The following SNX24 variants were observed in gnomAD, a reference collection of about 807,000 sequenced individuals.
SNX24 encodes sorting nexin 24, also known as sorting nexin-24.
Under a neutral mutation model 28.7 loss-of-function variants are expected in SNX24, and 22 were observed. The ratio of observed to expected loss-of-function variants is 0.77; its 90% CI spans 0.55 to 1.10. The LOEUF (loss-of-function observed/expected upper bound fraction) is 1.10. Ranked by LOEUF, SNX24 falls within the 50% of genes least tolerant of loss-of-function variation. The probability of loss-of-function intolerance (pLI) is 0.00; values close to 1 mark genes in which losing one functional copy is unlikely to be tolerated. For synonymous variants in SNX24, 69 were observed against 71.5 expected (o/e 0.96, Z 0.18); for missense variants, 221 against 201.1 (o/e 1.10, Z -0.60).
At chr5:123,003,591 G>A (rs1762321947) in intron 6 of SNX24, among the ~76,000 whole-genome samples, 1 of 152,138 alleles carries the variant, frequency 6.6e-6, no homozygotes, top group Non-Finnish European at 1.5e-5. Context: ...GGTTACTGTG[G>A]ACTAGAATAG....
At chr5:122,884,838 A>G (rs1756638517) in intron 1 of SNX24, among the ~76,000 whole-genome samples, 1 of 152,136 alleles carries the variant, frequency 6.6e-6, no homozygotes, top group African/African-American at 2.4e-5. Context: ...GAAGGTATGT[A>G]GTCTCTGAAT....
intron 1 of SNX24, among the ~76,000 whole-genome samples, chr5:122,890,503 T>C (rs1194157557): frequency 7.0e-6 from 1 of 142,868 alleles, no homozygotes; most frequent in Non-Finnish European, 1.5e-5. Flanking sequence ...GGAATCTCAC[T>C]CTGTGGCCCA....
intron 6 of SNX24, 23 bp from the exon 7 acceptor site, chr5:123,007,659 C>CTTTTTTTTTTTTTTTTTTTTTT: frequency 8.7e-7 from 1 of 1,153,142 alleles, no homozygotes. Flanking sequence ...TTTTTTTTTT[C>CTTTTTTTTTTTTTTTTTTTTTT]TTTTTTTTTT....
At chr5:122,852,354 T>C (rs981669975) in intron 1 of SNX24, among the ~76,000 whole-genome samples, 1 of 151,850 alleles carries the variant, frequency 6.6e-6, no homozygotes, top group Admixed American at 6.6e-5. Flanking sequence ...GCTTCTTTTT[T>C]TTTTTTTGAC....
At chr5:123,011,732 T>A (rs1199947128), downstream of SNX24, among the ~76,000 whole-genome samples, 3 of 152,310 alleles carry the variant, frequency 2.0e-5, no homozygotes, top group East Asian at 3.9e-4. Context: ...CTGGTGGAAG[T>A]GTGAAATGGT....
rs1425101242 is a variant in SNX24, at chr5:122,951,245, C to A, written c.249+5086C>A. On this transcript the variant is annotated intron_variant, in intron 3 of 6. Coordinates refer to ENST00000261369, the MANE Select transcript of SNX24 (RefSeq NM_014035.4). Reference sequence around the variant, plus strand: ...TTGCGCCACTGCACTCCAGCCTGGGCGACAGAGTGAGACTCTGTCTCAAAA... The same window carrying A: ...TTGCGCCACTGCACTCCAGCCTGGGAGACAGAGTGAGACTCTGTCTCAAAA... Among the ~76,000 whole-genome samples, 4 of 122,692 alleles carry A rather than the reference C, an allele frequency of 3.3e-5. No homozygotes were observed. In the Admixed American group the frequency reaches 4.3e-4, roughly 13 times the overall value. 80.5% of individuals were successfully genotyped at this position (122,692 alleles called of 152,430 possible). A position where few individuals can be genotyped will look rare whatever the true frequency, so the allele number is the denominator to read the frequency against.
intron 5 of SNX24, among the ~76,000 whole-genome samples, chr5:123,026,595 C>G (rs959774799): frequency 6.6e-6 from 1 of 152,218 alleles, no homozygotes; most frequent in African/African-American, 2.4e-5. Flanking sequence ...TTTCTTGCCT[C>G]AGCACCAAGA....
chr5:123,024,410 G>A (rs1179122555), intron 5 of SNX24, among the ~76,000 whole-genome samples: 1 of 152,142 alleles, frequency 6.6e-6, no homozygotes, highest in Admixed American at 6.5e-5. Flanking sequence ...TCCTGTAATA[G>A]GTCTTCACAT....
chr5:122,886,792 T>C (rs1432608745), intron 1 of SNX24, among the ~76,000 whole-genome samples: 1 of 151,740 alleles, frequency 6.6e-6, no homozygotes, highest in Non-Finnish European at 1.5e-5. Context: ...ATCACGCCAT[T>C]GCACTCCAGC....
chr5:122,895,699 C>T (rs939199737), intron 1 of SNX24, among the ~76,000 whole-genome samples: 1 of 152,244 alleles, frequency 6.6e-6, no homozygotes, highest in Non-Finnish European at 1.5e-5. Context: ...GCAGTCGTCC[C>T]TGCCACCCTC....
At chr5:122,909,297 A>G (rs1288314707) in intron 1 of SNX24, among the ~76,000 whole-genome samples, 1 of 152,210 alleles carries the variant, frequency 6.6e-6, no homozygotes, top group Middle Eastern at 3.2e-3. Flanking sequence ...CATAGTACCT[A>G]TTGCTTAATC....
At chr5:122,854,539 A>C (rs201702866) in intron 1 of SNX24, among the ~76,000 whole-genome samples, 53 of 150,896 alleles carry the variant, frequency 3.5e-4, no homozygotes, top group Admixed American at 2.6e-3. Flanking sequence ...AAAAAAAAAA[A>C]CATAGTGTTA....
chr5:122,926,453 A>T (rs943879508), intron 1 of SNX24, among the ~76,000 whole-genome samples: 1 of 152,218 alleles, frequency 6.6e-6, no homozygotes, highest in Non-Finnish European at 1.5e-5. Context: ...GAAGACACAG[A>T]GGGAAGACAC....
At chr5:122,980,713 T>G (rs1761355767) in intron 3 of SNX24, among the ~76,000 whole-genome samples, 1 of 150,258 alleles carries the variant, frequency 6.7e-6, no homozygotes, top group Non-Finnish European at 1.5e-5. Flanking sequence ...TCTGTGCCCC[T>G]TCCAGTATCT....
chr5:122,907,704 A>G (rs560509812), intron 1 of SNX24, among the ~76,000 whole-genome samples: 2 of 152,292 alleles, frequency 1.3e-5, no homozygotes, highest in Admixed American at 6.5e-5. Context: ...TTGATCTGGT[A>G]TCTTAGTTCT....
At chr5:122,876,064 C>T (rs1157275267) in intron 1 of SNX24, among the ~76,000 whole-genome samples, 2 of 152,222 alleles carry the variant, frequency 1.3e-5, no homozygotes, top group African/African-American at 4.8e-5. Context: ...AGGCTGGTCT[C>T]AAACTCCTGA....
chr5:123,012,189 T>G (rs1009687250), downstream of SNX24, among the ~76,000 whole-genome samples: 2 of 152,228 alleles, frequency 1.3e-5, no homozygotes, highest in African/African-American at 4.8e-5. Flanking sequence ...TCAATTAAAC[T>G]TCTTTCCTTT....
chr5:123,007,697 T>A lies in SNX24; in HGVS notation c.458T>A (p.Val153Asp), dbSNP rs763531056. The A allele has an allele frequency of 6.3e-7, 1 of 1,587,158 alleles. No individual in the cohort carries two copies. The highest frequency in any genetic ancestry group is 8.5e-7 in the Non-Finnish European group (1 of 1,170,962). ...TTTTTTTCAGATTTTCCAAATGTGG[T>A]TATTGAAGGAGTCCTCCATGGGATA... ...LPAASDFPNV[V>D]IEGVLHGIFY... is the part of the protein sequence containing the mutation. The change falls in exon 7 of 7, where the codon GTT (valine) becomes GAT (aspartate). Residue 153 changes from valine (V) to aspartate (D), a missense_variant. Transcript: ENST00000261369.
intron 3 of SNX24, among the ~76,000 whole-genome samples, chr5:122,977,420 AGAG>A (rs1761212766): frequency 6.6e-6 from 1 of 150,562 alleles, no homozygotes. Context: ...TCATAGGGAT[AGAG>A]AAAATGCTGC....
Sources: gnomAD v4.1 joint callset for allele counts (sites outside exome capture counted in the v4.1 genomes callset) on GRCh38, gnomAD v4.1.1 for gene constraint, MANE v1.5 for transcripts, NCBI Gene and HGNC (gene_info 2026-07-23, HGNC 2026-07-21) for gene names.